The following SIRT3 variants were observed in gnomAD, a reference collection of about 807,000 sequenced individuals.
SIRT3 encodes the protein sirtuin 3, also known as NAD-dependent protein deacetylase sirtuin-3, mitochondrial.
SIRT3 carries 26 observed loss-of-function variants against 33.5 expected under a neutral mutation model. The ratio of observed to expected loss-of-function variants is 0.78; its 90% CI spans 0.57 to 1.08. SIRT3 has a LOEUF of 1.08. Among genes scored for constraint, SIRT3 ranks in the 50% least tolerant of loss-of-function variants. The probability of loss-of-function intolerance (pLI) is 0.00; values close to 1 mark genes in which losing one functional copy is unlikely to be tolerated. For missense variants in SIRT3, 585 were observed against 530.1 expected, an observed-to-expected ratio of 1.10 and a Z score of -1.02; for synonymous variants, 237 against 222.1, an observed-to-expected ratio of 1.07 and a Z score of -0.60.
At chr11:228,326 C>T (rs528772749) in intron 4 of SIRT3, among the ~76,000 whole-genome samples, 64 of 152,274 alleles carry the variant, frequency 4.2e-4, no homozygotes, top group Non-Finnish European at 6.5e-4. Context: ...AACAATAATA[C>T]GTATATATCA....
chr11:233,617 G>A (rs1858430232), intron 1 of SIRT3, 83 bp from the exon 2 acceptor site: 1 of 1,331,852 alleles, frequency 7.5e-7, no homozygotes, highest in Non-Finnish European at 1.1e-6. Context: ...TCTGCCCTCT[G>A]CACCACCGCC....
intron 1 of SIRT3, among the ~76,000 whole-genome samples, chr11:234,780 A>G (rs527707063): frequency 1.8e-4 from 27 of 151,910 alleles, no homozygotes; most frequent in African/African-American, 6.5e-4. Flanking sequence ...ACGTGTTTGT[A>G]GGTCCTGGTC....
At chr11:224,516 C>CT (rs1181753280) in intron 4 of SIRT3, among the ~76,000 whole-genome samples, 10 of 152,228 alleles carry the variant, frequency 6.6e-5, no homozygotes, top group Admixed American at 3.9e-4. Flanking sequence ...TCTAGCGTAT[C>CT]TAACACCATG....
At chr11:231,812 C>A (rs558439335) in intron 3 of SIRT3, among the ~76,000 whole-genome samples, 1 of 152,168 alleles carries the variant, frequency 6.6e-6, no homozygotes, top group East Asian at 1.9e-4. Context: ...GAAACACATT[C>A]CTGGAGCCAA....
intron 5 of SIRT3, among the ~76,000 whole-genome samples, chr11:219,498 C>T (rs897014654): frequency 6.6e-6 from 1 of 152,174 alleles, no homozygotes; most frequent in African/African-American, 2.4e-5. Flanking sequence ...CTGGTGCCCC[C>T]GAGCAGGAGT....
chr11:219,119 A>T, intron 5 of SIRT3, 78 bp from the exon 6 acceptor site: 2 of 1,484,958 alleles, frequency 1.3e-6, no homozygotes, highest in Non-Finnish European at 1.8e-6. Flanking sequence ...ACAGCCACCG[A>T]GGCCTTGGAG....
chr11:230,595 A>G, intron 3 of SIRT3, 43 bp from the exon 4 acceptor site: 1 of 1,381,062 alleles, frequency 7.2e-7, no homozygotes, highest in Non-Finnish European at 9.7e-7. Context: ...CGCCTCCGAG[A>G]TGAGCACGCA....
chr11:216,152 CTA>C lies in SIRT3; in HGVS notation c.*544_*545del, dbSNP rs1855623014. On this transcript the variant is annotated 3_prime_UTR_variant, in exon 7 of 7. Transcript: ENST00000382743. ...AACACCTGCAGTCCCTTTGAGGAGA[CTA>C]AATGTATTTCATGCTGGAAAGAACA... 1 of 153,336 alleles carries C rather than the reference CTA, an allele frequency of 6.5e-6. No homozygotes were observed. Among genetic ancestry groups the C allele is most frequent in the Non-Finnish European group, 1.5e-5 (1 of 68,578 alleles). The allele number at this position is 153,336 out of a possible 1,614,324, so 9.5% of individuals were successfully genotyped here. A position where few individuals can be genotyped will look rare whatever the true frequency, so the allele number is the denominator to read the frequency against.
chr11:229,484 G>A (rs1857607316), intron 4 of SIRT3, among the ~76,000 whole-genome samples: 1 of 151,646 alleles, frequency 6.6e-6, no homozygotes, highest in South Asian at 2.1e-4. Context: ...GGCAGGGCAT[G>A]GTGGCTCACG....
intron 3 of SIRT3, among the ~76,000 whole-genome samples, chr11:231,377 G>A (rs185134810): frequency 4.5e-4 from 68 of 152,306 alleles, no homozygotes; most frequent in African/African-American, 1.5e-3. Context: ...TCAGGCTATA[G>A]TGAGCTATGA....
At chr11:219,098 T>A in intron 5 of SIRT3, 57 bp from the exon 6 acceptor site, 1 of 1,533,354 alleles carries the variant, frequency 6.5e-7, no homozygotes, top group Non-Finnish European at 8.8e-7. Flanking sequence ...CTCCTCAGGA[T>A]GTTTCATGCC....
intron 5 of SIRT3, among the ~76,000 whole-genome samples, chr11:219,300 C>T (rs900039451): frequency 6.6e-6 from 1 of 152,148 alleles, no homozygotes; most frequent in Admixed American, 6.5e-5. Context: ...TCCCCACCTC[C>T]GTTCCAAGGC....
intron 4 of SIRT3, among the ~76,000 whole-genome samples, chr11:229,020 C>T (rs1203432348): frequency 6.6e-6 from 1 of 152,188 alleles, no homozygotes; most frequent in East Asian, 1.9e-4. Flanking sequence ...AGTGGGTTAC[C>T]ACCTCCCACC....
At chr11:218,055 G>C (rs997419958) in intron 6 of SIRT3, among the ~76,000 whole-genome samples, 9 of 152,112 alleles carry the variant, frequency 5.9e-5, no homozygotes, top group African/African-American at 1.2e-4. Flanking sequence ...TGATTGTGAG[G>C]CCCCCACAGC....
rs188314567 is a variant in SIRT3 at position 226,803 on chromosome 11, G to C, written c.808-2564C>G. On this transcript the variant is annotated intron_variant, in intron 4 of 6. Transcript: ENST00000382743. ...AGTTTCGCTCTTGTTTCCCAGGCTG[G>C]AGTGCAATGGCCTAATCTCAGCTCA... Among the ~76,000 whole-genome samples the C allele has an allele frequency of 1.6e-4, 24 of 148,742 alleles. No individual in the cohort carries two copies. In the East Asian group the frequency reaches 4.6e-3, roughly 28 times the overall value.
At chr11:232,929 G>T (rs1858285196) in intron 3 of SIRT3, 54 bp downstream of exon 3, 2 of 1,552,524 alleles carry the variant, frequency 1.3e-6, no homozygotes, top group Non-Finnish European at 1.8e-6. Context: ...GGAGAAACAG[G>T]CACCCGAGCC....
chr11:218,832 C>A lies in SIRT3; in HGVS notation c.1179G>T (p.Lys393Asn), dbSNP rs139644721. 3.7e-6 allele frequency: 6 copies of A among 1,614,174 alleles called. No homozygotes were observed. Among genetic ancestry groups the A allele is most frequent in the Middle Eastern group, 1.6e-4 (1 of 6,062 alleles). Reference protein sequence around the residue: ...MRDLVQRETGKLDGPDK With the variant: ...MRDLVQRETGNLDGPDK ...GATGGTCCTCCTCAGCAGTCTGTAC[C>A]TTCCCAGTTTCCCGCTGCACAAGGT... The change falls in exon 6 of 7, where the codon AAG (lysine) becomes AAT (asparagine). Residue 393 changes from lysine (K) to asparagine (N), a missense_variant and splice_region_variant. Transcript: ENST00000382743.
rs1856780083 is a variant in SIRT3, at chr11:223,858, AGCCC to A, written c.969+216_969+219del. ...CTCCTCCCTGCACAGGCCTGCCGAC[AGCCC>A]ATGAGATGACTCCTGTACCCCTCCC... On this transcript the variant is annotated intron_variant, in intron 5 of 6. Coordinates refer to ENST00000382743, the MANE Select transcript of SIRT3 (RefSeq NM_012239.6). The surrounding 1 kb of genome is among the most constrained non-coding windows in gnomAD (Gnocchi z 4.8). The A allele has an allele frequency of 1.4e-4, 67 of 472,048 alleles. No individual in the cohort carries two copies. The highest frequency in any genetic ancestry group is 4.9e-4 in the African/African-American group (17 of 34,806). 29.2% of individuals were successfully genotyped at this position (472,048 alleles called of 1,614,324 possible).
intron 5 of SIRT3, among the ~76,000 whole-genome samples, chr11:220,506 A>G (rs928890274): frequency 2.6e-5 from 4 of 152,172 alleles, no homozygotes; most frequent in African/African-American, 9.7e-5. Context: ...CTGGCAATAA[A>G]CATGAAAAGA....
Sources: allele counts gnomAD v4.1 joint callset (sites outside exome capture counted in the v4.1 genomes callset), GRCh38; gene constraint gnomAD v4.1.1; non-coding constraint Gnocchi (gnomAD v3.1); transcripts MANE v1.5; gene names NCBI Gene and HGNC (gene_info 2026-07-23, HGNC 2026-07-21).